The following ATRN variants were observed in gnomAD, a reference collection of about 807,000 sequenced individuals.
ATRN encodes attractin-2.
Under a neutral mutation model 178.7 loss-of-function variants are expected in ATRN, and 54 were observed. The observed-to-expected ratio is 0.30, with a 90% confidence interval of 0.24 to 0.38. ATRN has a LOEUF of 0.38. Ranked by LOEUF, ATRN falls within the 10% of genes least tolerant of loss-of-function variation. The pLI, the probability that ATRN is intolerant of heterozygous loss-of-function variation, is 1.00. For synonymous variants in ATRN, 636 were observed against 663.0 expected, an observed-to-expected ratio of 0.96 and a Z score of 0.63; for missense variants, 1,443 against 1,815.1, an observed-to-expected ratio of 0.79 and a Z score of 3.73.
chr20:3,590,174 C>T (rs536931253), intron 18 of ATRN, among the ~76,000 whole-genome samples: 1 of 152,302 alleles, frequency 6.6e-6, no homozygotes, highest in South Asian at 2.1e-4. Context: ...TGATCTCGAA[C>T]TCCTGACCTC....
intron 1 of ATRN, among the ~76,000 whole-genome samples, chr20:3,500,529 C>T (rs2084945574): frequency 6.6e-6 from 1 of 151,584 alleles, no homozygotes; most frequent in African/African-American, 2.4e-5. Context: ...AGTTCATGTC[C>T]TTTGTAGGGA....
chr20:3,639,249 GTTTT>G (rs1278585506), intron 27 of ATRN, among the ~76,000 whole-genome samples: 2 of 149,054 alleles, frequency 1.3e-5, no homozygotes. Flanking sequence ...TCGAATCATT[GTTTT>G]TTTGTTTGTT....
intron 24 of ATRN, among the ~76,000 whole-genome samples, chr20:3,615,128 A>G (rs1320518293): frequency 1.3e-5 from 2 of 152,010 alleles, no homozygotes; most frequent in Non-Finnish European, 2.9e-5. Flanking sequence ...CCTGGTGTTA[A>G]TTGTCTGTAT....
chr20:3,605,247 A>G (rs1409217662), intron 24 of ATRN, among the ~76,000 whole-genome samples: 8 of 152,314 alleles, frequency 5.3e-5, no homozygotes, highest in Non-Finnish European at 8.8e-5. Context: ...TTAAAAAGTC[A>G]AAAAAGAACA....
intron 17 of ATRN, among the ~76,000 whole-genome samples, chr20:3,584,380 TA>T (rs2086326306): frequency 6.6e-6 from 1 of 152,246 alleles, no homozygotes; most frequent in African/African-American, 2.4e-5. Context: ...CTGAATTTCC[TA>T]ATTTGTAAAG....
intron 4 of ATRN, among the ~76,000 whole-genome samples, chr20:3,546,877 T>C (rs6051940): frequency 0.21 from 31,750 of 152,032 alleles, 3,663 homozygotes; most frequent in African/African-American, 0.27. Context: ...GTTGGCAGTT[T>C]GTTTTATTCT....
chr20:3,512,107 A>ATATATTTTTTTTTT, intron 1 of ATRN, among the ~76,000 whole-genome samples: 30 of 106,376 alleles, frequency 2.8e-4, no homozygotes, highest in African/African-American at 1.2e-3. Context: ...ATATATATAT[A>ATATATTTTTTTTTT]TTTTTTTTTT....
chr20:3,525,707 C>T (rs1300556536), intron 1 of ATRN, among the ~76,000 whole-genome samples: 1 of 152,288 alleles, frequency 6.6e-6, no homozygotes, highest in Non-Finnish European at 1.5e-5. Flanking sequence ...CCACCACAAT[C>T]GAGTTGGCTT....
chr20:3,614,717 G>A (rs144414405), intron 24 of ATRN, among the ~76,000 whole-genome samples: 3 of 152,204 alleles, frequency 2.0e-5, no homozygotes, highest in South Asian at 2.1e-4. Flanking sequence ...TCACAGAAGC[G>A]TGCAGCCACC....
chr20:3,514,512 G>T (rs2085180299), intron 1 of ATRN, among the ~76,000 whole-genome samples: 1 of 152,018 alleles, frequency 6.6e-6, no homozygotes, highest in Non-Finnish European at 1.5e-5. Context: ...TGACCAAGTG[G>T]GTTTATTTGA....
intron 2 of ATRN, among the ~76,000 whole-genome samples, chr20:3,537,638 TC>T (rs1446251864): frequency 6.6e-6 from 1 of 151,084 alleles, no homozygotes; most frequent in Non-Finnish European, 1.5e-5. Flanking sequence ...ATTAGGTATA[TC>T]CCCTAATGCT....
At chr20:3,605,610 A>G (rs62206512) in intron 24 of ATRN, among the ~76,000 whole-genome samples, 7 of 152,228 alleles carry the variant, frequency 4.6e-5, no homozygotes, top group Non-Finnish European at 1.0e-4. Context: ...TTGCAGGGAC[A>G]TGGATGGAGC....
intron 8 of ATRN, among the ~76,000 whole-genome samples, chr20:3,562,032 G>A (rs1377814032): frequency 6.6e-6 from 1 of 152,108 alleles, no homozygotes; most frequent in Non-Finnish European, 1.5e-5. Context: ...GGCCCTGAGT[G>A]TTTTAAATTT....
intron 3 of ATRN, among the ~76,000 whole-genome samples, chr20:3,540,587 A>G (rs1178801893): frequency 1.3e-5 from 2 of 152,210 alleles, no homozygotes; most frequent in African/African-American, 2.4e-5. Flanking sequence ...TGATAGTTCT[A>G]TTAAGTTCAC....
At chr20:3,615,931 A>G in intron 24 of ATRN, 1 of 405,566 alleles carries the variant, frequency 2.5e-6, no homozygotes, top group Non-Finnish European at 5.1e-6. Context: ...ATTAGGGGAT[A>G]TACCTAATGT....
At chr20:3,530,962 A>G (rs1369508107) in intron 1 of ATRN, among the ~76,000 whole-genome samples, 1 of 152,156 alleles carries the variant, frequency 6.6e-6, no homozygotes, top group East Asian at 1.9e-4. Context: ...GGTGGTGGCA[A>G]GGTCTTTATT....
intron 1 of ATRN, among the ~76,000 whole-genome samples, chr20:3,482,749 A>G (rs2084639158): frequency 6.6e-6 from 1 of 152,180 alleles, no homozygotes; most frequent in Non-Finnish European, 1.5e-5. Context: ...ACTGTCTTTT[A>G]ATGGGAGCAG....
intron 1 of ATRN, among the ~76,000 whole-genome samples, chr20:3,501,278 A>G (rs1181791956): frequency 1.3e-5 from 2 of 152,218 alleles, no homozygotes; most frequent in Non-Finnish European, 2.9e-5. Flanking sequence ...AGATGTCCGT[A>G]TGAACTCATG....
chr20:3,624,661 A>T (rs2086922761), intron 25 of ATRN, 89 bp downstream of exon 25: 3 of 1,107,882 alleles, frequency 2.7e-6, no homozygotes, highest in Non-Finnish European at 2.7e-6. Flanking sequence ...GATAAAAAGA[A>T]TAATCCTGTG....
Sources: gnomAD v4.1 joint callset for allele counts (sites outside exome capture counted in the v4.1 genomes callset) on GRCh38, gnomAD v4.1.1 for gene constraint, MANE v1.5 for transcripts, NCBI Gene and HGNC (gene_info 2026-07-23, HGNC 2026-07-21) for gene names.